KCTD16: variants seen among roughly 807,000 people sequenced by gnomAD.
KCTD16 encodes BTB/POZ domain-containing protein KCTD16.
Under a neutral mutation model 33.2 loss-of-function variants are expected in KCTD16, and 13 were observed. The observed-to-expected ratio is 0.39, with a 90% CI of 0.25 to 0.62. The LOEUF is 0.62. Ranked by LOEUF, KCTD16 falls within the 20% of genes least tolerant of loss-of-function variation. KCTD16 has a pLI of 0.50. For missense variants in KCTD16, 441 were observed against 525.1 expected (o/e 0.84, Z 1.57); for synonymous variants, 197 against 195.3 (o/e 1.01, Z -0.07).
chr5:144,405,889 A>G (rs1037650124), intron 3 of KCTD16, among the ~76,000 whole-genome samples: 1 of 152,136 alleles, frequency 6.6e-6, no homozygotes, highest in African/African-American at 2.4e-5. Context: ...CTATTTTAAA[A>G]CCATTGGTGA....
chr5:144,192,091 C>T (rs1752853477), intron 2 of KCTD16, among the ~76,000 whole-genome samples: 1 of 152,052 alleles, frequency 6.6e-6, no homozygotes, highest in Non-Finnish European at 1.5e-5. Context: ...ACTTTGGGAG[C>T]TTAAGACTTC....
chr5:144,238,369 T>C lies in KCTD16; in HGVS notation c.832+30823T>C, dbSNP rs59163976. On this transcript the variant is annotated intron_variant, in intron 3 of 3. Coordinates refer to ENST00000512467, the MANE Select transcript of KCTD16 (RefSeq NM_020768.4). ...TCCCTTAAAATTCTAGTCTGTGTTTTATTACCTGGAAACCTGGAGAATCGA... is the reference window on the plus strand; with the variant it reads ...TCCCTTAAAATTCTAGTCTGTGTTTCATTACCTGGAAACCTGGAGAATCGA... 1.9e-3 allele frequency among the ~76,000 whole-genome samples: 285 copies of C among 152,298 alleles called. 2 individuals are homozygous for C. Among genetic ancestry groups the C allele is most frequent in the African/African-American group, 6.4e-3 (265 of 41,578 alleles).
intron 3 of KCTD16, among the ~76,000 whole-genome samples, chr5:144,347,112 T>C (rs1752823265): frequency 6.6e-6 from 1 of 152,214 alleles, no homozygotes. Context: ...TGTGATTAGA[T>C]TACATTAGGA....
At chr5:144,222,584 A>G (rs1383562941) in intron 3 of KCTD16, among the ~76,000 whole-genome samples, 3 of 152,238 alleles carry the variant, frequency 2.0e-5, no homozygotes, top group Non-Finnish European at 4.4e-5. Context: ...AATCAAAACC[A>G]CAATGAGATA....
chr5:144,398,527 C>A (rs547068436), intron 3 of KCTD16, among the ~76,000 whole-genome samples: 2 of 152,114 alleles, frequency 1.3e-5, no homozygotes, highest in Non-Finnish European at 2.9e-5. Flanking sequence ...GCTAATTCCC[C>A]ATTAAGTCCC....
chr5:144,376,855 T>G (rs1269046814), intron 3 of KCTD16, among the ~76,000 whole-genome samples: 1 of 152,216 alleles, frequency 6.6e-6, no homozygotes, highest in African/African-American at 2.4e-5. Context: ...TCACTAACAC[T>G]GTAAAGATGA....
intron 3 of KCTD16, among the ~76,000 whole-genome samples, chr5:144,277,932 C>G (rs1307004530): frequency 6.6e-6 from 1 of 152,088 alleles, no homozygotes; most frequent in Non-Finnish European, 1.5e-5. Flanking sequence ...AATATAAATA[C>G]TTTGTTGGGT....
chr5:144,191,316 T>A (rs779100191), intron 2 of KCTD16, among the ~76,000 whole-genome samples: 1 of 152,154 alleles, frequency 6.6e-6, no homozygotes, highest in Non-Finnish European at 1.5e-5. Context: ...GCTCAAAAAC[T>A]CACAATGACT....
At chr5:144,261,656 T>C (rs1225163495) in intron 3 of KCTD16, among the ~76,000 whole-genome samples, 1 of 152,260 alleles carries the variant, frequency 6.6e-6, no homozygotes, top group Non-Finnish European at 1.5e-5. Context: ...TGGAAATGGA[T>C]ATTCAAAGTG....
At chr5:144,383,524 A>T (rs1417187767) in intron 3 of KCTD16, among the ~76,000 whole-genome samples, 1 of 140,266 alleles carries the variant, frequency 7.1e-6, no homozygotes, top group Non-Finnish European at 1.5e-5. Flanking sequence ...TTTGAAGGCA[A>T]AAAGGCCCTA....
intron 3 of KCTD16, among the ~76,000 whole-genome samples, chr5:144,437,866 G>T (rs533048452): frequency 6.6e-6 from 1 of 152,254 alleles, no homozygotes; most frequent in South Asian, 2.1e-4. Context: ...GCTGGGAAAA[G>T]GTAGGGAATG....
intron 3 of KCTD16, among the ~76,000 whole-genome samples, chr5:144,217,577 T>G (rs1338015943): frequency 1.3e-5 from 2 of 152,172 alleles, no homozygotes; most frequent in African/African-American, 4.8e-5. Flanking sequence ...ATAAAATATT[T>G]ATTTGGAAAG....
chr5:144,369,393 G>A (rs535308486), intron 3 of KCTD16: 3 of 152,332 alleles, frequency 2.0e-5, no homozygotes, highest in Admixed American at 6.5e-5. Context: ...GGCAGCCAGC[G>A]GTGGAGGCAG....
At chr5:144,224,515 A>G (rs1387835279) in intron 3 of KCTD16, among the ~76,000 whole-genome samples, 1 of 151,946 alleles carries the variant, frequency 6.6e-6, no homozygotes, top group Non-Finnish European at 1.5e-5. Flanking sequence ...TGTGTTCGCA[A>G]ATAATCCCTC....
At chr5:144,291,960 C>G (rs1416634081) in intron 3 of KCTD16, among the ~76,000 whole-genome samples, 1 of 152,192 alleles carries the variant, frequency 6.6e-6, no homozygotes, top group Non-Finnish European at 1.5e-5. Context: ...AATCATTAGA[C>G]TGTTGCTAAA....
intron 3 of KCTD16, among the ~76,000 whole-genome samples, chr5:144,335,241 T>G (rs1752457690): frequency 1.3e-5 from 2 of 152,202 alleles, no homozygotes; most frequent in African/African-American, 4.8e-5. Context: ...TAATGATCTT[T>G]ATTAAGCACC....
In KCTD16 at chr5:144,345,710, A is replaced by C. The variant is rs115232372; in HGVS notation, c.833-127950A>C. On this transcript the variant is annotated intron_variant, in intron 3 of 3. Transcript: ENST00000512467. ...CCCACAGACATTAAAAAAAAATTAG[A>C]TTTTATTTTTGTGGGTACATAGTAG... Among the ~76,000 whole-genome samples, 1,316 of 152,070 alleles carry C rather than the reference A, an allele frequency of 8.7e-3. 15 individuals carry two copies. Among genetic ancestry groups the C allele is most frequent in the African/African-American group, 0.03 (1,247 of 41,482 alleles).
At chr5:144,284,413 G>A (rs1225116203) in intron 3 of KCTD16, among the ~76,000 whole-genome samples, 14 of 152,174 alleles carry the variant, frequency 9.2e-5, no homozygotes, top group Admixed American at 7.2e-4. Flanking sequence ...TTCCTACTTC[G>A]CAGCGTGGCT....
chr5:144,467,415 G>A (rs1475243753), intron 3 of KCTD16, among the ~76,000 whole-genome samples: 1 of 152,046 alleles, frequency 6.6e-6, no homozygotes. Flanking sequence ...ATGAGCATCT[G>A]CTACTGTATG....
Sources: gnomAD v4.1 joint callset for allele counts (sites outside exome capture counted in the v4.1 genomes callset) on GRCh38, gnomAD v4.1.1 for gene constraint, MANE v1.5 for transcripts, NCBI Gene and HGNC (gene_info 2026-07-23, HGNC 2026-07-21) for gene names.